RBBP8: variants seen among roughly 807,000 people sequenced by gnomAD.
RBBP8 encodes DNA endonuclease RBBP8.
In RBBP8, 88 loss-of-function variants were observed where a neutral mutation model predicts 108.3. That is an observed-to-expected ratio of 0.81 (90% CI 0.68 to 0.97). The LOEUF (loss-of-function observed/expected upper bound fraction) is 0.97. Ranked by LOEUF, RBBP8 falls within the 50% of genes least tolerant of loss-of-function variation. The probability of loss-of-function intolerance (pLI) is 0.00; values close to 1 mark genes in which losing one functional copy is unlikely to be tolerated. For missense variants in RBBP8, 1,023 were observed against 1,049.0 expected (o/e 0.98, Z 0.34); for synonymous variants, 332 against 348.2 (o/e 0.95, Z 0.52).
In RBBP8 at chr18:22,992,732, A is replaced by G; in HGVS notation, c.921-16A>G. 6.4e-7 allele frequency: 1 copy of G among 1,562,750 alleles called. No homozygotes were observed. The highest frequency in any genetic ancestry group is 8.8e-7 in the Non-Finnish European group (1 of 1,134,570). ...ATTAATTCTGTATTAAAGAATTGTT[A>G]TCACTCTTTATTTAGATTTTCAGAT... On this transcript the variant is annotated splice_polypyrimidine_tract_variant and intron_variant, in intron 10 of 18. Transcript: ENST00000327155.
At chr18:23,006,018 C>G (rs138750628) in intron 15 of RBBP8, among the ~76,000 whole-genome samples, 2,239 of 151,932 alleles carry the variant, frequency 0.015, 56 homozygotes, top group African/African-American at 0.05. Context: ...AACCCTGTCT[C>G]TACTAAAAAT....
chr18:22,987,831 A>C (rs1915436357), intron 8 of RBBP8, among the ~76,000 whole-genome samples: 1 of 151,868 alleles, frequency 6.6e-6, no homozygotes, highest in African/African-American at 2.4e-5. Flanking sequence ...TAAATCCCAA[A>C]CCTGTATCTC....
intron 3 of RBBP8, 22 bp downstream of exon 3, chr18:22,946,508 T>C (rs1389882117): frequency 1.2e-6 from 2 of 1,611,642 alleles, no homozygotes; most frequent in African/African-American, 2.7e-5. Flanking sequence ...TATGTAATAC[T>C]CATGTGTTAT....
chr18:22,985,170 C>A, intron 8 of RBBP8, 180 bp downstream of exon 8: 1 of 344,302 alleles, frequency 2.9e-6, no homozygotes, highest in Non-Finnish European at 4.1e-6. Flanking sequence ...ATATAAATAT[C>A]CCTAATCATA....
intron 6 of RBBP8, among the ~76,000 whole-genome samples, chr18:22,979,519 C>G (rs996925916): frequency 6.6e-6 from 1 of 152,114 alleles, no homozygotes; most frequent in African/African-American, 2.4e-5. Context: ...GGTCATAGTT[C>G]ATACAGTTCT....
chr18:23,006,362 G>A lies in RBBP8; in HGVS notation c.2288-1G>A. ...TTGTAATGTGCATGTTTTATTTATA[G>A]CTCATGGTGATAAACAAGACAAAGT... On this transcript the variant is annotated splice_acceptor_variant, in intron 15 of 18. Transcript: ENST00000327155. LOFTEE classifies it high-confidence loss of function. The A allele has an allele frequency of 6.2e-7, 1 of 1,611,128 alleles. No individual in the cohort carries two copies. The highest frequency in any genetic ancestry group is 8.5e-7 in the Non-Finnish European group (1 of 1,177,626).
Position 22,997,712 on chromosome 18 carries a change from G to A in RBBP8, c.2121G>A (p.Glu707=), listed in dbSNP as rs1411285718. The A allele has an allele frequency of 6.3e-7, 1 of 1,599,424 alleles. No individual in the cohort carries two copies. The highest frequency in any genetic ancestry group is 1.3e-5 in the African/African-American group (1 of 74,258). ...TTCTCTTAAAAATGAAGAAGCAAGA[G>A]CAGAAGGGAGAAAAAAGTTCAAGTA... ...ETVLLKMKKQ[E]QKGEKSSNEE... Residue 707 remains glutamate (E), a synonymous_variant, in exon 14 of 19, where the codon GAG becomes GAA. Coordinates refer to ENST00000327155, the MANE Select transcript of RBBP8 (RefSeq NM_002894.3).
At chr18:22,922,734 G>A (rs1476172568) in intron 3 of RBBP8, among the ~76,000 whole-genome samples, 1 of 152,108 alleles carries the variant, frequency 6.6e-6, no homozygotes, top group Non-Finnish European at 1.5e-5. Flanking sequence ...CACAGTGCTA[G>A]GATTACAGGC....
Position 23,009,525 on chromosome 18 carries a change from T to TTATA in RBBP8, c.2357+3106_2357+3109dup, listed in dbSNP as rs535005317. Among the ~76,000 whole-genome samples the TTATA allele has an allele frequency of 3.4e-5, 5 of 148,218 alleles. No individual in the cohort carries two copies. The South Asian group carries it at 6.3e-4, about 19-fold the overall frequency. The stretch of plus-strand genomic sequence containing the variant: ...AAAAGTACATAAAGTATAATGTATT[T>TTATA]TATATATATATATATAAAATGTATA... On this transcript the variant is annotated intron_variant, in intron 16 of 18. Coordinates refer to ENST00000327155, the MANE Select transcript of RBBP8 (RefSeq NM_002894.3).
At chr18:23,012,214 A>C (rs2046179093) in intron 16 of RBBP8, among the ~76,000 whole-genome samples, 1 of 138,198 alleles carries the variant, frequency 7.2e-6, no homozygotes, top group African/African-American at 3.3e-5. Context: ...TCTCCAAAAA[A>C]AAAAAAAAAA....
intron 15 of RBBP8, 83 bp from the exon 16 acceptor site, chr18:23,006,266 AATGGAAGTTTGAGT>A (rs2046045954): frequency 1.7e-5 from 18 of 1,058,150 alleles, no homozygotes; most frequent in Non-Finnish European, 2.5e-5. Context: ...ACCCAATAAA[AATGGAAGTTTGAGT>A]GCGTGTCATT....
chr18:22,944,494 A>G (rs915987480), intron 2 of RBBP8, among the ~76,000 whole-genome samples: 1 of 152,158 alleles, frequency 6.6e-6, no homozygotes, highest in Non-Finnish European at 1.5e-5. Flanking sequence ...CATTTTTGAG[A>G]AGGGAAAACA....
At chr18:22,953,712 C>T (rs1177665131) in intron 4 of RBBP8, among the ~76,000 whole-genome samples, 1 of 151,830 alleles carries the variant, frequency 6.6e-6, no homozygotes, top group African/African-American at 2.4e-5. Flanking sequence ...CATTAAATTA[C>T]TTTCTTTTAT....
intron 2 of RBBP8, among the ~76,000 whole-genome samples, chr18:22,942,282 T>C (rs1598641209): frequency 1.3e-5 from 2 of 152,256 alleles, no homozygotes; most frequent in Middle Eastern, 3.4e-3. Flanking sequence ...GCTACAGAAA[T>C]GTACCCATAG....
At chr18:22,957,440 T>C (rs1412956399) in intron 4 of RBBP8, among the ~76,000 whole-genome samples, 1 of 152,222 alleles carries the variant, frequency 6.6e-6, no homozygotes, top group Admixed American at 6.5e-5. Flanking sequence ...TGAATAAATG[T>C]CAATAAATCT....
intron 2 of RBBP8, among the ~76,000 whole-genome samples, chr18:22,939,361 C>A (rs573393229): frequency 6.6e-6 from 1 of 152,128 alleles, no homozygotes; most frequent in African/African-American, 2.4e-5. Flanking sequence ...ACAAAATTAG[C>A]CGGGTGTGGT....
At chr18:23,000,020 G>C (rs186147229) in intron 14 of RBBP8, among the ~76,000 whole-genome samples, 6 of 152,172 alleles carry the variant, frequency 3.9e-5, no homozygotes, top group African/African-American at 1.4e-4. Context: ...TAAATATCAA[G>C]CAAAAATTTT....
At chr18:22,984,756 A>G (rs930313836) in intron 7 of RBBP8, 130 bp from the exon 8 acceptor site, 2 of 554,598 alleles carry the variant, frequency 3.6e-6, no homozygotes, top group East Asian at 3.3e-5. Context: ...TGTCAATAAA[A>G]CAGTACTTAT....
intron 4 of RBBP8, among the ~76,000 whole-genome samples, chr18:22,967,803 C>T (rs556429811): frequency 4.3e-4 from 65 of 151,878 alleles, no homozygotes; most frequent in Admixed American, 2.2e-3. Flanking sequence ...CCCGCCACCA[C>T]GCACAGCTAA....
Sources: allele counts gnomAD v4.1 joint callset (sites outside exome capture counted in the v4.1 genomes callset), GRCh38; gene constraint gnomAD v4.1.1; transcripts MANE v1.5; gene names NCBI Gene and HGNC (gene_info 2026-07-23, HGNC 2026-07-21).